The following TRDN variants were observed in gnomAD, a reference collection of about 807,000 sequenced individuals.
TRDN encodes the protein triadin in skeletal muscle.
A neutral mutation model predicts 149.7 loss-of-function variants in TRDN; 161 were observed. The ratio of observed to expected loss-of-function variants is 1.08; its 90% CI spans 0.95 to 1.23. The LOEUF is 1.23. Ranked by LOEUF, TRDN falls within the 50% of genes most tolerant of loss-of-function variation. TRDN has a pLI of 0.00. For missense variants in TRDN, 896 were observed against 823.5 expected (o/e 1.09, Z -1.08); for synonymous variants, 294 against 250.5 (o/e 1.17, Z -1.64).
chr6:123,523,666 T>C (rs989691944), intron 5 of TRDN, among the ~76,000 whole-genome samples: 4 of 152,024 alleles, frequency 2.6e-5, no homozygotes, highest in Admixed American at 2.6e-4. Context: ...GACTAAATTA[T>C]AGTACGGAGG....
chr6:123,472,552 G>T (rs529919848), intron 9 of TRDN, among the ~76,000 whole-genome samples: 1 of 152,188 alleles, frequency 6.6e-6, no homozygotes, highest in Non-Finnish European at 1.5e-5. Flanking sequence ...CAAAGCAGCC[G>T]GGAAGCTCGA....
intron 38 of TRDN, among the ~76,000 whole-genome samples, chr6:123,228,576 T>C (rs906362690): frequency 9.2e-5 from 14 of 151,932 alleles, no homozygotes; most frequent in African/African-American, 3.1e-4. Flanking sequence ...ATTGTGAGAA[T>C]AGCATGGAGG....
At chr6:123,330,680 ATGT>A (rs1318077305) in intron 23 of TRDN, among the ~76,000 whole-genome samples, 2 of 152,074 alleles carry the variant, frequency 1.3e-5, no homozygotes, top group Non-Finnish European at 2.9e-5. Context: ...AAAAAAAATC[ATGT>A]TGTGTTCTTA....
intron 9 of TRDN, among the ~76,000 whole-genome samples, chr6:123,479,887 CATT>C (rs750545177): frequency 6.6e-6 from 1 of 151,944 alleles, no homozygotes; most frequent in Non-Finnish European, 1.5e-5. Context: ...AGTAGGAAGA[CATT>C]ATTGAGGGGC....
intron 29 of TRDN, among the ~76,000 whole-genome samples, chr6:123,271,893 G>A (rs900679001): frequency 6.6e-6 from 1 of 151,830 alleles, no homozygotes. Context: ...TTTGATGTAC[G>A]CTCAGAGACT....
At chr6:123,406,939 T>C (rs915170728) in intron 12 of TRDN, among the ~76,000 whole-genome samples, 51 of 151,718 alleles carry the variant, frequency 3.4e-4, no homozygotes, top group Middle Eastern at 6.8e-3. Context: ...GGGGCTTCAG[T>C]AGAGTAGGAA....
chr6:123,297,094 T>C (rs1440600778), intron 24 of TRDN, among the ~76,000 whole-genome samples: 1 of 152,118 alleles, frequency 6.6e-6, no homozygotes, highest in South Asian at 2.1e-4. Context: ...TGATATGCCT[T>C]TTTCATCCTA....
intron 10 of TRDN, among the ~76,000 whole-genome samples, chr6:123,446,101 T>C (rs1775329199): frequency 6.6e-6 from 1 of 151,474 alleles, no homozygotes; most frequent in South Asian, 2.1e-4. Flanking sequence ...ATGGATGAAA[T>C]TGGAAATCAT....
chr6:123,635,323 AACACAC>A (rs141018949), intron 1 of TRDN, among the ~76,000 whole-genome samples: 130 of 147,268 alleles, frequency 8.8e-4, no homozygotes, highest in African/African-American at 3.0e-3. Context: ...CAGAAAAGAA[AACACAC>A]ACACACACAC....
At chr6:123,452,629 A>G (rs1247373543) in intron 10 of TRDN, among the ~76,000 whole-genome samples, 1 of 152,200 alleles carries the variant, frequency 6.6e-6, no homozygotes, top group African/African-American at 2.4e-5. Context: ...AACACATCCC[A>G]CGCTTATGGA....
chr6:123,589,220 C>T (rs891936335), intron 1 of TRDN, among the ~76,000 whole-genome samples: 11 of 152,156 alleles, frequency 7.2e-5, no homozygotes, highest in Admixed American at 1.3e-4. Context: ...TTCAATCTCA[C>T]GGATATAGTA....
At chr6:123,452,832 C>T (rs1283647076) in intron 10 of TRDN, among the ~76,000 whole-genome samples, 1 of 152,152 alleles carries the variant, frequency 6.6e-6, no homozygotes, top group African/African-American at 2.4e-5. Context: ...GGACGCATCA[C>T]ACTACCTGAT....
intron 29 of TRDN, 129 bp downstream of exon 29, chr6:123,272,835 G>A (rs976730807): frequency 1.3e-5 from 9 of 712,704 alleles, no homozygotes; most frequent in Middle Eastern, 3.0e-4. Flanking sequence ...ATTGGAGATG[G>A]TCTAGAAGCT....
chr6:123,476,019 CA>C (rs1364703187), intron 9 of TRDN, among the ~76,000 whole-genome samples: 2 of 131,856 alleles, frequency 1.5e-5, no homozygotes, highest in African/African-American at 2.9e-5. Flanking sequence ...TGCCCTCTCT[CA>C]CCACTCCTAT....
chr6:123,574,437 T>G (rs1782727426), intron 1 of TRDN, among the ~76,000 whole-genome samples: 2 of 151,960 alleles, frequency 1.3e-5, no homozygotes, highest in South Asian at 4.1e-4. Context: ...TTCACATCAC[T>G]CCTAATGGTA....
intron 24 of TRDN, among the ~76,000 whole-genome samples, chr6:123,288,958 C>T (rs943138970): frequency 1.7e-4 from 26 of 151,090 alleles, no homozygotes; most frequent in Non-Finnish European, 8.8e-5. Context: ...CAGCATTATT[C>T]ACAGTAGGCA....
chr6:123,280,795 C>T (rs1232587247), intron 24 of TRDN, among the ~76,000 whole-genome samples: 5 of 151,314 alleles, frequency 3.3e-5, no homozygotes, highest in Non-Finnish European at 7.4e-5. Context: ...TTATGTTAGT[C>T]ATAATCTATT....
chr6:123,235,735 C>G (rs1304710520), intron 38 of TRDN, among the ~76,000 whole-genome samples: 2 of 152,114 alleles, frequency 1.3e-5, no homozygotes, highest in Non-Finnish European at 2.9e-5. Flanking sequence ...CCCCCTCTGT[C>G]CCTAACCTTG....
chr6:123,238,433 A>G (rs1362085706), intron 38 of TRDN, among the ~76,000 whole-genome samples: 1 of 152,112 alleles, frequency 6.6e-6, no homozygotes, highest in Non-Finnish European at 1.5e-5. Context: ...AAGGATAATC[A>G]CTAAAGTAAT....
Sources: gnomAD v4.1 joint callset for allele counts (sites outside exome capture counted in the v4.1 genomes callset) on GRCh38, gnomAD v4.1.1 for gene constraint, MANE v1.5 for transcripts, NCBI Gene and HGNC (gene_info 2026-07-23, HGNC 2026-07-21) for gene names.